Variants in RAP1GDS1 observed in about 807,000 individuals in gnomAD.
RAP1GDS1 encodes RAP1, GTP-GDP dissociation stimulator 1.
A neutral mutation model predicts 71.1 loss-of-function variants in RAP1GDS1; 35 were observed. The ratio of observed to expected loss-of-function variants is 0.49; its 90% CI spans 0.38 to 0.65. The LOEUF (loss-of-function observed/expected upper bound fraction) is 0.65. Among genes scored for constraint, RAP1GDS1 ranks in the 30% least tolerant of loss-of-function variants. RAP1GDS1 has a pLI of 0.00. For synonymous variants in RAP1GDS1, 229 were observed against 243.1 expected, an observed-to-expected ratio of 0.94 and a Z score of 0.54; for missense variants, 663 against 706.1, an observed-to-expected ratio of 0.94 and a Z score of 0.69.
Position 98,379,072 on chromosome 4 carries a change from T to C in RAP1GDS1, c.417T>C (p.His139=), listed in dbSNP as rs1350105031. 5 of 1,609,842 alleles carry C rather than the reference T, an allele frequency of 3.1e-6. No homozygotes were observed. Among genetic ancestry groups the C allele is most frequent in the Admixed American group, 3.4e-5 (2 of 59,500 alleles). The part of the protein sequence containing the change: ...QAGGAQIVID[H]LRSLCSITDP... ...GTGGTGCACAGATTGTAATTGACCA[T>C]TTAAGGTCACTGTGCAGTATAACAG... Residue 139 remains histidine, a synonymous_variant, in exon 5 of 15, where the codon CAT becomes CAC. Coordinates refer to ENST00000408927, the MANE Select transcript of RAP1GDS1 (RefSeq NM_001100427.2).
chr4:98,379,967 A>G (rs1272854683), intron 5 of RAP1GDS1, among the ~76,000 whole-genome samples: 7 of 151,666 alleles, frequency 4.6e-5, no homozygotes. Flanking sequence ...CATATTAGAC[A>G]TGCAGTATTA....
Position 98,421,340 on chromosome 4 carries a change from G to A in RAP1GDS1, c.1386G>A (p.Val462=). ...GTGAAGCCAAAGATCATGCTGGTGT[G>A]ATGGGGGAGTCAAACAGACTGCTGT... ...EWCEAKDHAG[V]MGESNRLLSA... Residue 462 remains valine, a synonymous_variant, in exon 12 of 15, where the codon GTG becomes GTA. Transcript: ENST00000408927. 1.2e-6 allele frequency: 2 copies of A among 1,610,982 alleles called. No homozygotes were observed. The highest frequency in any genetic ancestry group is 1.7e-6 in the Non-Finnish European group (2 of 1,178,238).
chr4:98,399,470 T>G (rs1178002312), intron 6 of RAP1GDS1, among the ~76,000 whole-genome samples: 1 of 152,082 alleles, frequency 6.6e-6, no homozygotes, highest in Non-Finnish European at 1.5e-5. Flanking sequence ...GTTTTTGTAT[T>G]TTTTGTAGAG....
intron 7 of RAP1GDS1, among the ~76,000 whole-genome samples, chr4:98,414,860 C>T (rs1251225888): frequency 2.0e-5 from 3 of 151,596 alleles, no homozygotes; most frequent in Non-Finnish European, 2.9e-5. Flanking sequence ...ATGGAATGTT[C>T]TTCCATTTGT....
At chr4:98,340,615 G>T (rs1360484298) in intron 2 of RAP1GDS1, among the ~76,000 whole-genome samples, 1 of 151,900 alleles carries the variant, frequency 6.6e-6, no homozygotes, top group Non-Finnish European at 1.5e-5. Flanking sequence ...TAGGCATTGG[G>T]GTGCACACCT....
intron 6 of RAP1GDS1, among the ~76,000 whole-genome samples, chr4:98,401,126 C>A (rs1745345098): frequency 6.6e-6 from 1 of 152,114 alleles, no homozygotes; most frequent in Admixed American, 6.5e-5. Context: ...TTTCAAGAAG[C>A]AACCAATCCA....
At chr4:98,370,157 G>A (rs1304284927) in intron 4 of RAP1GDS1, among the ~76,000 whole-genome samples, 5 of 152,072 alleles carry the variant, frequency 3.3e-5, no homozygotes, top group Admixed American at 2.0e-4. Context: ...TCAGGACCTA[G>A]TTCAATGTAT....
chr4:98,268,015 G>T (rs1722936386), intron 1 of RAP1GDS1, among the ~76,000 whole-genome samples: 1 of 151,912 alleles, frequency 6.6e-6, no homozygotes, highest in Admixed American at 6.6e-5. Flanking sequence ...TCTGTTTTTT[G>T]TTTGTTTGTT....
At chr4:98,302,436 G>A (rs1728698120) in intron 2 of RAP1GDS1, among the ~76,000 whole-genome samples, 1 of 152,054 alleles carries the variant, frequency 6.6e-6, no homozygotes, top group Non-Finnish European at 1.5e-5. Context: ...GATGCAAACA[G>A]GCAACTGAGA....
chr4:98,409,690 G>C, intron 7 of RAP1GDS1: 1 of 431,088 alleles, frequency 2.3e-6, no homozygotes, highest in South Asian at 2.0e-5. Context: ...TCCACCTAGA[G>C]AAGCGCACTT....
chr4:98,407,592 G>A (rs567436585), intron 7 of RAP1GDS1, among the ~76,000 whole-genome samples: 3 of 152,214 alleles, frequency 2.0e-5, no homozygotes, highest in Admixed American at 6.5e-5. Context: ...GTAACCAAAT[G>A]CCACCTATTC....
Position 98,441,970 on chromosome 4 carries a change from G to C in RAP1GDS1, c.1697-20G>C. ...AGAACAACCTAACAGAATCATATCTGTTATTTTTTTGTCTTCCAGAATGTC... is the reference window on the plus strand; with the variant it reads ...AGAACAACCTAACAGAATCATATCTCTTATTTTTTTGTCTTCCAGAATGTC... On this transcript the variant is annotated intron_variant, in intron 14 of 14. Coordinates refer to ENST00000408927, the MANE Select transcript of RAP1GDS1 (RefSeq NM_001100427.2). The C allele has an allele frequency of 5.0e-6, 8 of 1,612,558 alleles. No individual in the cohort carries two copies. The highest frequency in any genetic ancestry group is 6.8e-6 in the Non-Finnish European group (8 of 1,179,432).
At chr4:98,310,041 C>G (rs925619689) in intron 2 of RAP1GDS1, among the ~76,000 whole-genome samples, 4 of 152,146 alleles carry the variant, frequency 2.6e-5, no homozygotes, top group Admixed American at 6.5e-5. Context: ...TGTCATACTG[C>G]TGTTAAATAC....
At chr4:98,338,240 G>A (rs58408865) in intron 2 of RAP1GDS1, among the ~76,000 whole-genome samples, 5 of 152,062 alleles carry the variant, frequency 3.3e-5, no homozygotes, top group Non-Finnish European at 5.9e-5. Flanking sequence ...GGCTTAAATG[G>A]GTTTCCTACC....
intron 5 of RAP1GDS1, among the ~76,000 whole-genome samples, chr4:98,391,428 G>A (rs1466284926): frequency 6.6e-6 from 1 of 151,854 alleles, no homozygotes; most frequent in Non-Finnish European, 1.5e-5. Flanking sequence ...AGAACACTCT[G>A]GTTGCAAATA....
intron 1 of RAP1GDS1, among the ~76,000 whole-genome samples, chr4:98,268,630 A>G (rs1447358855): frequency 6.6e-6 from 1 of 152,176 alleles, no homozygotes; most frequent in Non-Finnish European, 1.5e-5. Flanking sequence ...GTTTCAGGAT[A>G]CAAAATCAGC....
At chr4:98,433,849 C>A in intron 12 of RAP1GDS1, 87 bp from the exon 13 acceptor site, 2 of 1,311,610 alleles carry the variant, frequency 1.5e-6, no homozygotes, top group Non-Finnish European at 2.1e-6. Flanking sequence ...TGTCGCAAAA[C>A]CACTCAACAA....
chr4:98,292,073 G>C (rs1020641877), intron 1 of RAP1GDS1, among the ~76,000 whole-genome samples: 2 of 151,172 alleles, frequency 1.3e-5, no homozygotes, highest in Non-Finnish European at 1.5e-5. Flanking sequence ...TACAGAAGAA[G>C]ATACGAGAGT....
At chr4:98,433,814 A>T in intron 12 of RAP1GDS1, 122 bp from the exon 13 acceptor site, 1 of 852,550 alleles carries the variant, frequency 1.2e-6, no homozygotes, top group Non-Finnish European at 1.7e-6. Flanking sequence ...AACTATGATT[A>T]AATCAAATGA....
Sources: gnomAD v4.1 joint callset for allele counts (sites outside exome capture counted in the v4.1 genomes callset) on GRCh38, gnomAD v4.1.1 for gene constraint, MANE v1.5 for transcripts, NCBI Gene and HGNC (gene_info 2026-07-23, HGNC 2026-07-21) for gene names.